The following WNK1 variants were observed in gnomAD, a reference collection of about 807,000 sequenced individuals.
WNK1 encodes WNK lysine deficient protein kinase 1, also known as serine/threonine-protein kinase WNK1.
Under a neutral mutation model 222.8 loss-of-function variants are expected in WNK1, and 38 were observed. That is an observed-to-expected ratio of 0.17 (90% CI 0.13 to 0.22). The LOEUF is 0.22. Among genes scored for constraint, WNK1 ranks in the 10% least tolerant of loss-of-function variants. The pLI, the probability that WNK1 is intolerant of heterozygous loss-of-function variation, is 1.00. For synonymous variants in WNK1, 1,090 were observed against 1,092.9 expected, an observed-to-expected ratio of 1.00 and a Z score of 0.05; for missense variants, 2,348 against 2,918.4, an observed-to-expected ratio of 0.80 and a Z score of 4.50.
intron 1 of WNK1, among the ~76,000 whole-genome samples, chr12:758,435 C>T (rs1442707899): frequency 1.8e-5 from 2 of 111,118 alleles, no homozygotes; most frequent in Non-Finnish European, 3.5e-5. Context: ...GGCCGGACTG[C>T]GGACTGCAGT....
At chr12:907,563 A>G (rs1311993054) in intron 26 of WNK1, among the ~76,000 whole-genome samples, 1 of 152,190 alleles carries the variant, frequency 6.6e-6, no homozygotes, top group Non-Finnish European at 1.5e-5. Context: ...CAATACTCTT[A>G]GGTGCTTTGT....
rs187577173 is a variant in WNK1, at chr12:793,118, G to A, written c.760-20524G>A. ...CCTGTACCTAAGAAATAAACTTATA[G>A]CAATAGAGCACAATCAGCCAGCCAT... On this transcript the variant is annotated intron_variant, in intron 1 of 27. Transcript: ENST00000315939. Among the ~76,000 whole-genome samples the A allele has an allele frequency of 4.6e-5, 7 of 152,214 alleles. No individual in the cohort carries two copies. In the East Asian group the frequency reaches 1.4e-3, roughly 29 times the overall value.
In WNK1 at chr12:879,885, C is replaced by T. The variant is rs2154080559; in HGVS notation, c.2686C>T (p.Leu896Phe). ...GGTATCAACTGTGGTTCCTAGTCAG[C>T]TTCCAACCCTTCTGCAGCCTGTGAC... is the stretch of plus-strand genomic sequence containing the variant. ...PGVSTVVPSQ[L>F]PTLLQPVTQL... is the part of the protein sequence containing the mutation. Residue 896 changes from leucine (L) to phenylalanine (F), a missense_variant, in exon 11 of 28, where the codon CTT becomes TTT. Physicochemically the swap from Leu to Phe is conservative, Grantham distance 22. Around this residue, in one of 13 missense-constraint regions of WNK1, gnomAD observed 547 missense variants for 558.3 expected, o/e 0.98. Transcript: ENST00000315939. 1 of 1,614,150 alleles carries T rather than the reference C, an allele frequency of 6.2e-7. No individual in the cohort carries two copies. Among genetic ancestry groups the T allele is most frequent in the Non-Finnish European group, 8.5e-7 (1 of 1,180,004 alleles).
At chr12:899,010 G>A (rs535545786) in intron 25 of WNK1, among the ~76,000 whole-genome samples, 2 of 152,132 alleles carry the variant, frequency 1.3e-5, no homozygotes, top group East Asian at 3.9e-4. Flanking sequence ...AAAGTGCTGG[G>A]ATTACAGGCG....
intron 4 of WNK1, among the ~76,000 whole-genome samples, chr12:844,754 A>G (rs541017031): frequency 1.4e-3 from 213 of 152,148 alleles, no homozygotes; most frequent in Non-Finnish European, 2.1e-3. Context: ...TACTTTCCTA[A>G]AAGTTTTCTT....
intron 1 of WNK1, among the ~76,000 whole-genome samples, chr12:772,401 T>C (rs1037002715): frequency 7.4e-6 from 1 of 134,296 alleles, no homozygotes. Flanking sequence ...TAATCATAAT[T>C]GGGGTGTGTG....
At chr12:879,477 T>TTGGTTAATACATAAA in intron 10 of WNK1, 96 bp from the exon 11 acceptor site, 1 of 782,210 alleles carries the variant, frequency 1.3e-6, no homozygotes, top group Non-Finnish European at 1.9e-6. Context: ...TTCCTTCTTT[T>TTGGTTAATACATAAA]TGGCTAATAC....
chr12:768,126 G>GT (rs553388826), intron 1 of WNK1, among the ~76,000 whole-genome samples: 5 of 151,862 alleles, frequency 3.3e-5, no homozygotes, highest in African/African-American at 7.3e-5. Flanking sequence ...ATTGTATCAG[G>GT]TTTTTTTTGT....
Position 813,902 on chromosome 12 carries a change from T to C in WNK1, c.932+88T>C, listed in dbSNP as rs1031786196. ...TCAGGTCTACCAGTTTCACTTTGGTTGTTCAGCCTAAGAAGGGAACAGTCC... is the reference window on the plus strand; with the variant it reads ...TCAGGTCTACCAGTTTCACTTTGGTCGTTCAGCCTAAGAAGGGAACAGTCC... On this transcript the variant is annotated intron_variant, in intron 2 of 27. Transcript: ENST00000315939. 6 of 1,432,262 alleles carry C rather than the reference T, an allele frequency of 4.2e-6. No homozygotes were observed. The African/African-American group carries it at 4.2e-5, about 10-fold the overall frequency. The allele number at this position is 1,432,262 out of a possible 1,614,324, so 88.7% of individuals were successfully genotyped here. A position where few individuals can be genotyped will look rare whatever the true frequency, so the allele number is the denominator to read the frequency against.
intron 4 of WNK1, chr12:851,342 A>C: frequency 1.0e-6 from 1 of 995,740 alleles, no homozygotes; most frequent in Non-Finnish European, 1.2e-6. Flanking sequence ...AAAGGTTTTG[A>C]TAGGTCCAGG....
intron 1 of WNK1, among the ~76,000 whole-genome samples, chr12:788,500 A>T (rs547207284): frequency 1.3e-5 from 2 of 152,254 alleles, no homozygotes; most frequent in Non-Finnish European, 2.9e-5. Flanking sequence ...CTGTAATGCC[A>T]GTACCGGAAA....
chr12:825,476 A>G (rs1948279985), intron 2 of WNK1, among the ~76,000 whole-genome samples: 1 of 152,198 alleles, frequency 6.6e-6, no homozygotes, highest in South Asian at 2.1e-4. Context: ...AGGTTTTCAT[A>G]TAACCCCTCT....
rs1157922556 is a variant in WNK1, at chr12:763,446, G to A, written c.759+9122G>A. ...TAAAAATACAAAAAAAAAACTAGCCGGGTGTGGTGGTGCATGCCTGTAATC... is the reference window on the plus strand; with the variant it reads ...TAAAAATACAAAAAAAAAACTAGCCAGGTGTGGTGGTGCATGCCTGTAATC... On this transcript the variant is annotated intron_variant, in intron 1 of 27. Transcript: ENST00000315939. Among the ~76,000 whole-genome samples the A allele has an allele frequency of 2.7e-5, 4 of 146,762 alleles. 1 individual carries two copies. The South Asian group carries it at 9.0e-4, about 33-fold the overall frequency.
intron 1 of WNK1, among the ~76,000 whole-genome samples, chr12:767,059 G>C: frequency 6.6e-6 from 1 of 152,146 alleles, no homozygotes. Context: ...TTACAGGCGT[G>C]AGCCACCGTG....
At chr12:845,919 G>A (rs531904577) in intron 4 of WNK1, among the ~76,000 whole-genome samples, 1 of 152,210 alleles carries the variant, frequency 6.6e-6, no homozygotes, top group African/African-American at 2.4e-5. Flanking sequence ...TACATATACT[G>A]TTTTAATCTT....
chr12:799,302 T>C (rs1945649466), intron 1 of WNK1, among the ~76,000 whole-genome samples: 1 of 151,866 alleles, frequency 6.6e-6, no homozygotes, highest in African/African-American at 2.4e-5. Flanking sequence ...TTTGTATTTT[T>C]TTTTTTTTTG....
chr12:806,478 C>A (rs1354285099), intron 1 of WNK1, among the ~76,000 whole-genome samples: 1 of 152,174 alleles, frequency 6.6e-6, no homozygotes, highest in East Asian at 1.9e-4. Flanking sequence ...TCTTGTACTT[C>A]AGCAAAGTTG....
In WNK1 at chr12:910,448, C is replaced by T. The variant is rs555510350; in HGVS notation, c.*1656C>T. Reference sequence around the variant, plus strand: ...TTCACATTTTCAAATAAATAATACTCCCCGTAAGTAATAACTGCAACCAAT... The same window carrying T: ...TTCACATTTTCAAATAAATAATACTTCCCGTAAGTAATAACTGCAACCAAT... On this transcript the variant is annotated 3_prime_UTR_variant, in exon 28 of 28. Coordinates refer to ENST00000315939, the MANE Select transcript of WNK1 (RefSeq NM_018979.4). 2 of 152,074 alleles carry T rather than the reference C, an allele frequency of 1.3e-5. No individual in the cohort carries two copies. The highest frequency in any genetic ancestry group is 4.8e-5 in the African/African-American group (2 of 41,380). The allele number at this position is 152,074 out of a possible 1,614,324, so 9.4% of individuals were successfully genotyped here. A position where few individuals can be genotyped will look rare whatever the true frequency, so the allele number is the denominator to read the frequency against.
At chr12:829,348 A>G (rs987088311) in intron 3 of WNK1, among the ~76,000 whole-genome samples, 1 of 152,126 alleles carries the variant, frequency 6.6e-6, no homozygotes, top group Non-Finnish European at 1.5e-5. Flanking sequence ...TAGTAGGCTT[A>G]TTTGTGTACT....
Sources: allele counts gnomAD v4.1 joint callset (sites outside exome capture counted in the v4.1 genomes callset), GRCh38; gene constraint gnomAD v4.1.1; regional missense constraint gnomAD v4.1.1; transcripts MANE v1.5; gene names NCBI Gene and HGNC (gene_info 2026-07-23, HGNC 2026-07-21).